The following HIVEP1 variants were observed in gnomAD, a reference collection of about 807,000 sequenced individuals.
The protein encoded by HIVEP1 is HIVEP zinc finger 1, also known as zinc finger protein 40.
A neutral mutation model predicts 180.0 loss-of-function variants in HIVEP1; 36 were observed. The ratio of observed to expected loss-of-function variants is 0.20; its 90% CI spans 0.15 to 0.26. The LOEUF is 0.26. HIVEP1 is among the 10% of genes least tolerant of loss of function. The pLI is 1.00. For synonymous variants in HIVEP1, 1,239 were observed against 1,239.0 expected (o/e 1.00, Z 0.00); for missense variants, 3,143 against 3,268.7 (o/e 0.96, Z 0.94).
intron 7 of HIVEP1, among the ~76,000 whole-genome samples, chr6:12,150,056 G>T (rs531551363): frequency 6.6e-6 from 1 of 152,178 alleles, no homozygotes; most frequent in Non-Finnish European, 1.5e-5. Flanking sequence ...TTAAAATGTG[G>T]ACATTCGGCA....
At chr6:12,050,807 T>A (rs1249801688) in intron 2 of HIVEP1, among the ~76,000 whole-genome samples, 1 of 151,468 alleles carries the variant, frequency 6.6e-6, no homozygotes, top group Non-Finnish European at 1.5e-5. Flanking sequence ...TGCTTCCAAG[T>A]CTTTGCTCCT....
At chr6:12,014,477 A>G (rs749926388) in intron 1 of HIVEP1, among the ~76,000 whole-genome samples, 9 of 152,250 alleles carry the variant, frequency 5.9e-5, no homozygotes, top group Non-Finnish European at 1.2e-4. Context: ...GTAGGTGCTC[A>G]TAAGTGTTCT....
intron 2 of HIVEP1, among the ~76,000 whole-genome samples, chr6:12,071,079 G>A (rs1470213590): frequency 6.6e-6 from 1 of 152,194 alleles, no homozygotes; most frequent in Non-Finnish European, 1.5e-5. Flanking sequence ...TTCTTTTGAA[G>A]CATCTCTCTT....
chr6:12,165,182 A>C (rs1760667088), downstream of HIVEP1: 12 of 486,408 alleles, frequency 2.5e-5, no homozygotes, highest in South Asian at 1.5e-4. Context: ...TGATTGACCT[A>C]TTTTTCTTAT....
In HIVEP1 at chr6:12,125,714, T is replaced by C. The variant is rs771724908; in HGVS notation, c.5919T>C (p.Ser1973=). The C allele has an allele frequency of 5.0e-6, 8 of 1,614,202 alleles. No homozygotes were observed. Among genetic ancestry groups the C allele is most frequent in the Admixed American group, 3.3e-5 (2 of 60,018 alleles). Residue 1973 remains serine, a synonymous_variant, in exon 4 of 9, where the codon AGT becomes AGC. Transcript: ENST00000379388. The part of the protein sequence containing the change: ...SAYTDWTVSA[S]NPNPLGLPTK... Reference sequence around the variant, plus strand: ...ATACTGATTGGACAGTAAGCGCCAGTAATCCAAATCCACTCGGTTTGCCCA... The same window carrying C: ...ATACTGATTGGACAGTAAGCGCCAGCAATCCAAATCCACTCGGTTTGCCCA...
intron 3 of HIVEP1, among the ~76,000 whole-genome samples, chr6:12,112,529 A>G (rs1267057566): frequency 6.6e-6 from 1 of 151,654 alleles, no homozygotes; most frequent in Non-Finnish European, 1.5e-5. Context: ...TATTTTTTTC[A>G]TGTATTTCTA....
chr6:12,077,126 C>T (rs1283234077), intron 2 of HIVEP1, among the ~76,000 whole-genome samples: 8 of 152,020 alleles, frequency 5.3e-5, no homozygotes, highest in East Asian at 1.9e-4. Context: ...ATTGTGAACC[C>T]GAGTCATATG....
downstream of HIVEP1, among the ~76,000 whole-genome samples, chr6:12,168,239 A>ACG (rs766873802): frequency 9.2e-3 from 1,114 of 120,646 alleles, 29 homozygotes; most frequent in African/African-American, 0.029. Flanking sequence ...ATACATATAT[A>ACG]TTATATATAC....
the HIVEP1 span, among the ~76,000 whole-genome samples, chr6:12,192,989 C>T: frequency 6.6e-6 from 1 of 152,080 alleles, no homozygotes; most frequent in African/African-American, 2.4e-5. Flanking sequence ...TGACTAGAAG[C>T]TCCCTGGGCC....
chr6:12,163,040 A>C (rs1282516387), intron 8 of HIVEP1, among the ~76,000 whole-genome samples: 1 of 152,240 alleles, frequency 6.6e-6, no homozygotes, highest in Non-Finnish European at 1.5e-5. Flanking sequence ...AGACATGCAA[A>C]AGACTATACA....
chr6:12,029,885 T>C (rs562670439), intron 2 of HIVEP1, among the ~76,000 whole-genome samples: 1 of 152,352 alleles, frequency 6.6e-6, no homozygotes, highest in East Asian at 1.9e-4. Flanking sequence ...TTATTGTTTC[T>C]AGCACTCTCC....
chr6:12,189,419 A>G, the HIVEP1 span, among the ~76,000 whole-genome samples: 1 of 152,148 alleles, frequency 6.6e-6, no homozygotes, highest in Middle Eastern at 3.2e-3. Context: ...AAATACCTAC[A>G]TATTGTTAGA....
intron 6 of HIVEP1, 64 bp downstream of exon 6, chr6:12,131,006 A>C (rs1758387637): frequency 1.7e-6 from 2 of 1,204,220 alleles, no homozygotes; most frequent in African/African-American, 3.0e-5. Flanking sequence ...GCTAAAACCC[A>C]ACTGTGCGTT....
chr6:12,108,059 C>T (rs905747724), intron 3 of HIVEP1, among the ~76,000 whole-genome samples: 1 of 151,870 alleles, frequency 6.6e-6, no homozygotes, highest in Non-Finnish European at 1.5e-5. Flanking sequence ...GGTGTGTTTA[C>T]AAACCTTGGG....
At chr6:12,083,407 G>A (rs9296256) in intron 2 of HIVEP1, among the ~76,000 whole-genome samples, 149,040 of 152,252 alleles carry the variant, frequency 0.98, 73,020 homozygotes, top group Middle Eastern at 1. Flanking sequence ...CGCAATAGCA[G>A]TTCATTTATT....
chr6:12,210,634 G>A, the HIVEP1 span, among the ~76,000 whole-genome samples: 1 of 152,202 alleles, frequency 6.6e-6, no homozygotes, highest in Admixed American at 6.5e-5. Context: ...CCGGCTTGCA[G>A]TATGTTGGAG....
chr6:12,035,284 A>C (rs1400019780), intron 2 of HIVEP1, among the ~76,000 whole-genome samples: 1 of 152,238 alleles, frequency 6.6e-6, no homozygotes. Context: ...AGAATTCTGC[A>C]GATAGGACTT....
upstream of HIVEP1, chr6:12,011,995 C>G (rs1370822200): frequency 2.7e-5 from 4 of 147,086 alleles, no homozygotes; most frequent in Non-Finnish European, 6.1e-5. Context: ...CCGCCCGGCC[C>G]GCGTTCCTCC....
the HIVEP1 span, among the ~76,000 whole-genome samples, chr6:12,205,343 C>CAT: frequency 6.6e-6 from 1 of 151,954 alleles, no homozygotes; most frequent in Non-Finnish European, 1.5e-5. Flanking sequence ...TGGTGGCAGG[C>CAT]GCCTGTAGTC....
Sources: gnomAD v4.1 joint callset for allele counts (sites outside exome capture counted in the v4.1 genomes callset) on GRCh38, gnomAD v4.1.1 for gene constraint, MANE v1.5 for transcripts, NCBI Gene and HGNC (gene_info 2026-07-23, HGNC 2026-07-21) for gene names.